The following STRN3 variants were observed in gnomAD, a reference collection of about 807,000 sequenced individuals.
The protein encoded by STRN3 is striatin-3.
A neutral mutation model predicts 95.6 loss-of-function variants in STRN3; 29 were observed. That is an observed-to-expected ratio of 0.30 (90% CI 0.23 to 0.41). STRN3 has a LOEUF of 0.41. Among genes scored for constraint, STRN3 ranks in the 10% least tolerant of loss-of-function variants. The probability of loss-of-function intolerance (pLI) is 1.00; values close to 1 mark genes in which losing one functional copy is unlikely to be tolerated. For missense variants in STRN3, 890 were observed against 972.1 expected, an observed-to-expected ratio of 0.92 and a Z score of 1.12; for synonymous variants, 331 against 357.6, an observed-to-expected ratio of 0.93 and a Z score of 0.84.
At chr14:30,938,260 A>C (rs1329746939) in intron 5 of STRN3, among the ~76,000 whole-genome samples, 1 of 152,230 alleles carries the variant, frequency 6.6e-6, no homozygotes, top group South Asian at 2.1e-4. Context: ...TAATGACTGA[A>C]TGTAGGAGAT....
intron 7 of STRN3, among the ~76,000 whole-genome samples, chr14:30,934,424 G>C (rs1174392217): frequency 6.6e-6 from 1 of 152,060 alleles, no homozygotes; most frequent in Non-Finnish European, 1.5e-5. Flanking sequence ...TATTAAATGA[G>C]GATTGCATGA....
At chr14:30,952,726 T>C (rs1879711666) in intron 3 of STRN3, among the ~76,000 whole-genome samples, 1 of 152,076 alleles carries the variant, frequency 6.6e-6, no homozygotes, top group Admixed American at 6.6e-5. Flanking sequence ...ACAACACTTA[T>C]TCTATCCCAA....
intron 6 of STRN3, among the ~76,000 whole-genome samples, chr14:30,935,572 TCA>T (rs375207536): frequency 3.3e-5 from 5 of 152,236 alleles, no homozygotes; most frequent in East Asian, 1.9e-4. Context: ...TACAGTACAT[TCA>T]CAGTTAGTCC....
intron 1 of STRN3, among the ~76,000 whole-genome samples, chr14:30,961,399 G>T (rs1016846099): frequency 1.3e-5 from 2 of 152,118 alleles, no homozygotes; most frequent in Non-Finnish European, 2.9e-5. Context: ...ATATACAACA[G>T]GGGTCCCATA....
chr14:30,941,718 C>G (rs1879103433), intron 5 of STRN3, among the ~76,000 whole-genome samples: 1 of 152,122 alleles, frequency 6.6e-6, no homozygotes, highest in Non-Finnish European at 1.5e-5. Context: ...CTCTGCCTAC[C>G]AGGTTCAAGC....
At chr14:31,011,237 T>C (rs1241463332) in intron 1 of STRN3, among the ~76,000 whole-genome samples, 1 of 152,198 alleles carries the variant, frequency 6.6e-6, no homozygotes, top group Non-Finnish European at 1.5e-5. Context: ...TTTCTCCTAG[T>C]ATATACACAC....
intron 1 of STRN3, among the ~76,000 whole-genome samples, chr14:31,015,240 T>C (rs1883186564): frequency 2.0e-5 from 3 of 152,260 alleles, no homozygotes; most frequent in Admixed American, 2.0e-4. Flanking sequence ...ACCATGCCAC[T>C]GGTTTCCACA....
intron 1 of STRN3, among the ~76,000 whole-genome samples, chr14:30,967,900 A>G (rs1880612910): frequency 6.6e-6 from 1 of 152,156 alleles, no homozygotes; most frequent in African/African-American, 2.4e-5. Flanking sequence ...CCTTCAGGAC[A>G]CGACTTCCTC....
intron 1 of STRN3, among the ~76,000 whole-genome samples, chr14:30,969,901 G>C (rs1880738084): frequency 1.3e-5 from 2 of 152,004 alleles, no homozygotes; most frequent in Non-Finnish European, 2.9e-5. Flanking sequence ...GCCAGCATGG[G>C]AAGGACCCTA....
intron 1 of STRN3, among the ~76,000 whole-genome samples, chr14:31,011,717 AATAGAAAGATTC>A (rs1375164273): frequency 6.6e-6 from 1 of 152,212 alleles, no homozygotes; most frequent in Non-Finnish European, 1.5e-5. Context: ...ACATATGTAA[AATAGAAAGATTC>A]ATAAAAACAG....
At chr14:31,008,166 A>C (rs528637724) in intron 1 of STRN3, among the ~76,000 whole-genome samples, 1 of 148,218 alleles carries the variant, frequency 6.7e-6, no homozygotes, top group East Asian at 2.0e-4. Flanking sequence ...ACTCTAGCCT[A>C]GGCAACAGAG....
At chr14:30,993,139 T>C (rs1882039989) in intron 1 of STRN3, among the ~76,000 whole-genome samples, 3 of 152,040 alleles carry the variant, frequency 2.0e-5, no homozygotes, top group South Asian at 2.1e-4. Flanking sequence ...CATGTGCCTA[T>C]AGTCCCAGCT....
chr14:30,916,469 G>A (rs1353687542), intron 9 of STRN3, among the ~76,000 whole-genome samples: 1 of 151,906 alleles, frequency 6.6e-6, no homozygotes, highest in Non-Finnish European at 1.5e-5. Context: ...TAGAGACAGG[G>A]TTTCACCGTG....
At chr14:31,023,559 T>C (rs1320419647) in intron 1 of STRN3, among the ~76,000 whole-genome samples, 1 of 152,182 alleles carries the variant, frequency 6.6e-6, no homozygotes, top group East Asian at 1.9e-4. Context: ...ATTCAATAAT[T>C]AACACTTTAA....
chr14:30,975,280 T>C (rs10138452), intron 1 of STRN3, among the ~76,000 whole-genome samples: 58,823 of 149,880 alleles, frequency 0.39, 12,261 homozygotes, highest in Non-Finnish European at 0.46. Flanking sequence ...GGAGAGACCA[T>C]TATTCTAAAT....
intron 1 of STRN3, among the ~76,000 whole-genome samples, chr14:30,986,405 A>G (rs183671030): frequency 2.6e-5 from 4 of 152,252 alleles, no homozygotes; most frequent in African/African-American, 9.6e-5. Flanking sequence ...CTTGGCTGAA[A>G]TGCCTTCAAG....
intron 7 of STRN3, among the ~76,000 whole-genome samples, chr14:30,934,375 G>C (rs1363067649): frequency 6.6e-6 from 1 of 152,024 alleles, no homozygotes; most frequent in Non-Finnish European, 1.5e-5. Context: ...ATATAGCTCA[G>C]TAAACACACT....
At chr14:30,943,505 T>C (rs1222895529) in intron 5 of STRN3, among the ~76,000 whole-genome samples, 2 of 152,002 alleles carry the variant, frequency 1.3e-5, no homozygotes, top group African/African-American at 2.4e-5. Context: ...GAGGCTGAAG[T>C]GGGAGGATTG....
intron 8 of STRN3, among the ~76,000 whole-genome samples, chr14:30,922,954 T>C (rs1419176669): frequency 6.6e-6 from 1 of 152,222 alleles, no homozygotes; most frequent in Non-Finnish European, 1.5e-5. Context: ...ACATGAATGT[T>C]TGTTTTTAAA....
Sources: allele counts gnomAD v4.1 joint callset (sites outside exome capture counted in the v4.1 genomes callset), GRCh38; gene constraint gnomAD v4.1.1; transcripts MANE v1.5; gene names NCBI Gene and HGNC (gene_info 2026-07-23, HGNC 2026-07-21).